TCF7L2: variants seen among roughly 807,000 people sequenced by gnomAD.
The protein encoded by TCF7L2 is transcription factor 7-like 2.
A neutral mutation model predicts 77.9 loss-of-function variants in TCF7L2; 23 were observed. The ratio of observed to expected loss-of-function variants is 0.30; its 90% confidence interval spans 0.21 to 0.42. TCF7L2 has a LOEUF of 0.42. Ranked by LOEUF, TCF7L2 falls within the 10% of genes least tolerant of loss-of-function variation. The pLI is 1.00. For missense variants in TCF7L2, 654 were observed against 793.1 expected, an observed-to-expected ratio of 0.82 and a Z score of 2.11; for synonymous variants, 413 against 340.2, an observed-to-expected ratio of 1.21 and a Z score of -2.36.
chr10:113,072,357 ATT>A (rs1564854254), intron 5 of TCF7L2, among the ~76,000 whole-genome samples: 1 of 149,526 alleles, frequency 6.7e-6, no homozygotes, highest in African/African-American at 2.5e-5. Flanking sequence ...CCTGGCCTTT[ATT>A]TTTTATTTCT....
At chr10:112,993,637 C>G (rs1397261942) in intron 4 of TCF7L2, among the ~76,000 whole-genome samples, 1 of 152,194 alleles carries the variant, frequency 6.6e-6, no homozygotes. Flanking sequence ...GTAAGTTATC[C>G]CAGCAAGCAC....
At chr10:113,127,733 G>T (rs902970804) in intron 5 of TCF7L2, among the ~76,000 whole-genome samples, 1 of 152,046 alleles carries the variant, frequency 6.6e-6, no homozygotes, top group African/African-American at 2.4e-5. Flanking sequence ...TTAGAGTAGT[G>T]CGATGGGATG....
In TCF7L2 at chr10:113,157,309, G is replaced by A. The variant is rs140356816; in HGVS notation, c.1270-712G>A. ...AATTTTGCATTTTTAGTAGAGACGG[G>A]GTTTCGCCACGTTGGCCAGGCTGGT... On this transcript the variant is annotated intron_variant, in intron 11 of 13. Coordinates refer to ENST00000627217, the MANE Select transcript of TCF7L2 (RefSeq NM_001146274.2). Among the ~76,000 whole-genome samples the A allele has an allele frequency of 1.2e-4, 18 of 152,254 alleles. No individual in the cohort carries two copies. In the South Asian group the frequency reaches 3.7e-3, roughly 32 times the overall value.
chr10:113,084,582 C>G (rs1053283896), intron 5 of TCF7L2, among the ~76,000 whole-genome samples: 1 of 152,078 alleles, frequency 6.6e-6, no homozygotes, highest in African/African-American at 2.4e-5. Flanking sequence ...ATCCGGGCAC[C>G]TTGTGACTTA....
At chr10:113,127,412 T>A (rs1350034597) in intron 5 of TCF7L2, among the ~76,000 whole-genome samples, 1 of 152,068 alleles carries the variant, frequency 6.6e-6, no homozygotes, top group East Asian at 1.9e-4. Flanking sequence ...AACCTCTTTA[T>A]TTAAAACAAA....
chr10:112,964,813 G>GGTGGTGGTGGTGGGGT (rs1564719445), intron 4 of TCF7L2, among the ~76,000 whole-genome samples, 189 bp downstream of exon 4: 1 of 98,410 alleles, frequency 1.0e-5, no homozygotes, highest in Admixed American at 9.7e-5. Flanking sequence ...TGGTGGTGGT[G>GGTGGTGGTGGTGGGGT]GGGGGGGGTT....
At position 113,152,322 on chromosome 10, in the gene TCF7L2, G is replaced by C. The variant is rs148854760; in HGVS notation, c.1162-11G>C. ...CATGTCTTTCTCATCTGTACCCCACGTCCCCTCCAGTGGCATGCACTGTCC... is the reference window on the plus strand; with the variant it reads ...CATGTCTTTCTCATCTGTACCCCACCTCCCCTCCAGTGGCATGCACTGTCC... On this transcript the variant is annotated splice_polypyrimidine_tract_variant and intron_variant, in intron 10 of 13. Transcript: ENST00000627217. The C allele has an allele frequency of 6.2e-7, 1 of 1,609,220 alleles. No homozygotes were observed. Among genetic ancestry groups the C allele is most frequent in the Admixed American group, 1.7e-5 (1 of 59,974 alleles).
chr10:113,124,270 C>T (rs1176667860), intron 5 of TCF7L2, among the ~76,000 whole-genome samples: 1 of 152,168 alleles, frequency 6.6e-6, no homozygotes, highest in Admixed American at 6.5e-5. Flanking sequence ...GTCAGATTCA[C>T]ACCCTTTTCG....
intron 6 of TCF7L2, among the ~76,000 whole-genome samples, chr10:113,142,050 G>A (rs1360618627): frequency 6.6e-6 from 1 of 152,154 alleles, no homozygotes. Flanking sequence ...TGTCATCCAG[G>A]CTGGAGTGCC....
intron 4 of TCF7L2, among the ~76,000 whole-genome samples, chr10:113,037,511 T>A (rs985959201): frequency 1.3e-5 from 2 of 152,226 alleles, no homozygotes; most frequent in African/African-American, 4.8e-5. Flanking sequence ...TATTGTAGGC[T>A]TGGAGTGCTG....
At chr10:113,103,667 G>A (rs2061928129) in intron 5 of TCF7L2, among the ~76,000 whole-genome samples, 1 of 152,180 alleles carries the variant, frequency 6.6e-6, no homozygotes, top group African/African-American at 2.4e-5. Flanking sequence ...GCGTGAGATG[G>A]CTCTGGGAGG....
intron 4 of TCF7L2, among the ~76,000 whole-genome samples, chr10:112,982,651 C>G (rs889107859): frequency 1.3e-5 from 2 of 152,158 alleles, no homozygotes; most frequent in Non-Finnish European, 2.9e-5. Flanking sequence ...GATGGAGTCT[C>G]ACTCTGTTGC....
intron 8 of TCF7L2, among the ~76,000 whole-genome samples, chr10:113,149,337 G>A (rs1008747558): frequency 3.3e-5 from 5 of 152,034 alleles, no homozygotes; most frequent in Non-Finnish European, 7.4e-5. Flanking sequence ...TGATACATTC[G>A]AAGGACTTGT....
intron 4 of TCF7L2, among the ~76,000 whole-genome samples, chr10:112,975,062 G>C (rs957282523): frequency 3.3e-5 from 5 of 151,766 alleles, no homozygotes; most frequent in Non-Finnish European, 7.4e-5. Flanking sequence ...GTTCCCGGGG[G>C]TTCCACCAAA....
At chr10:113,102,111 CAAAAAAAAAAA>C (rs139047649) in intron 5 of TCF7L2, among the ~76,000 whole-genome samples, 33 of 71,748 alleles carry the variant, frequency 4.6e-4, no homozygotes, top group South Asian at 1.7e-3. Context: ...GTGACTCCAT[CAAAAAAAAAAA>C]AAAAAAAAAA....
chr10:113,097,646 G>GAAAAAAAAAAAA (rs869133669), intron 5 of TCF7L2, among the ~76,000 whole-genome samples: 1 of 36,734 alleles, frequency 2.7e-5, no homozygotes, highest in African/African-American at 1.1e-4. Context: ...TCTTGTCTCG[G>GAAAAAAAAAAAA]AAAAAAAAAA....
At chr10:113,115,795 C>T (rs74157219) in intron 5 of TCF7L2, among the ~76,000 whole-genome samples, 2,263 of 152,158 alleles carry the variant, frequency 0.015, 68 homozygotes, top group African/African-American at 0.052. Context: ...CCGACCATCC[C>T]GTCCACAACC....
chr10:113,116,776 T>G (rs1018822378), intron 5 of TCF7L2, among the ~76,000 whole-genome samples: 13 of 152,104 alleles, frequency 8.5e-5, no homozygotes, highest in African/African-American at 3.1e-4. Context: ...CATTTTAATA[T>G]TTTTTATTAC....
chr10:112,988,379 G>A (rs547644041), intron 4 of TCF7L2, among the ~76,000 whole-genome samples: 15 of 152,264 alleles, frequency 9.9e-5, no homozygotes, highest in Admixed American at 3.3e-4. Flanking sequence ...GATTACAGGC[G>A]TGAGCCACTG....
Sources: gnomAD v4.1 joint callset for allele counts (sites outside exome capture counted in the v4.1 genomes callset) on GRCh38, gnomAD v4.1.1 for gene constraint, MANE v1.5 for transcripts, NCBI Gene and HGNC (gene_info 2026-07-23, HGNC 2026-07-21) for gene names.